The following PLCB1 variants were observed in gnomAD, a reference collection of about 807,000 sequenced individuals.
PLCB1 encodes phospholipase C beta 1, also known as 1-phosphatidylinositol 4,5-bisphosphate phosphodiesterase beta-1.
A neutral mutation model predicts 161.8 loss-of-function variants in PLCB1; 46 were observed. The ratio of observed to expected loss-of-function variants is 0.28; its 90% CI spans 0.22 to 0.36. The LOEUF (loss-of-function observed/expected upper bound fraction) is 0.36. Ranked by LOEUF, PLCB1 falls within the 10% of genes least tolerant of loss-of-function variation. The pLI is 1.00. For synonymous variants in PLCB1, 517 were observed against 503.7 expected (o/e 1.03, Z -0.35); for missense variants, 1,016 against 1,472.5 (o/e 0.69, Z 5.07).
intron 2 of PLCB1, among the ~76,000 whole-genome samples, chr20:8,253,275 G>C (rs1432970811): frequency 1.3e-5 from 2 of 151,890 alleles, no homozygotes; most frequent in African/African-American, 4.8e-5. Context: ...GTTTTTCCTT[G>C]TTGATGTACA....
intron 2 of PLCB1, among the ~76,000 whole-genome samples, chr20:8,292,399 G>C (rs965152824): frequency 1.3e-5 from 2 of 152,106 alleles, no homozygotes; most frequent in Non-Finnish European, 2.9e-5. Flanking sequence ...TAAGAAAAGG[G>C]TCTCAAGAAG....
intron 31 of PLCB1, among the ~76,000 whole-genome samples, chr20:8,809,304 G>A (rs1229726454): frequency 1.3e-5 from 2 of 151,986 alleles, no homozygotes; most frequent in Non-Finnish European, 2.9e-5. Flanking sequence ...CACCATGCCC[G>A]GCTCACTTAC....
intron 31 of PLCB1, among the ~76,000 whole-genome samples, chr20:8,808,069 A>G (rs1185780543): frequency 6.6e-6 from 1 of 152,202 alleles, no homozygotes; most frequent in East Asian, 1.9e-4. Context: ...GGACTTCCTC[A>G]TGACAATATG....
chr20:8,672,658 A>G (rs1462877941), intron 9 of PLCB1, among the ~76,000 whole-genome samples: 1 of 152,110 alleles, frequency 6.6e-6, no homozygotes, highest in Non-Finnish European at 1.5e-5. Context: ...AGTTGTATTT[A>G]GGGATTAGTT....
intron 7 of PLCB1, among the ~76,000 whole-genome samples, chr20:8,650,778 T>C (rs1989294848): frequency 6.6e-6 from 1 of 152,232 alleles, no homozygotes; most frequent in South Asian, 2.1e-4. Flanking sequence ...AAGCAATTAG[T>C]ATGCTGCTAT....
In PLCB1 at chr20:8,296,635, T is replaced by A. The variant is rs1040864597; in HGVS notation, c.178-74747T>A. ...GAATGTGTACATAGCCCTTTCTTTCTGAATTATGTCTCCTTGTTTGGCATT... is the reference window on the plus strand; with the variant it reads ...GAATGTGTACATAGCCCTTTCTTTCAGAATTATGTCTCCTTGTTTGGCATT... On this transcript the variant is annotated intron_variant, in intron 2 of 31. Coordinates refer to ENST00000338037, the MANE Select transcript of PLCB1 (RefSeq NM_015192.4). Among the ~76,000 whole-genome samples, 5 of 152,316 alleles carry A rather than the reference T, an allele frequency of 3.3e-5. No individual in the cohort carries two copies. The South Asian group carries it at 6.2e-4, about 19-fold the overall frequency.
In PLCB1 at chr20:8,207,059, G is replaced by A. The variant is rs537804902; in HGVS notation, c.177+56688G>A. On this transcript the variant is annotated intron_variant, in intron 2 of 31. Coordinates refer to ENST00000338037, the MANE Select transcript of PLCB1 (RefSeq NM_015192.4). ...TATAGACAAAAGACTGTAAGAGGAT[G>A]TTCAAAAATGAAGCCAGATGTTGCA... Among the ~76,000 whole-genome samples, 10 of 95,620 alleles carry A rather than the reference G, an allele frequency of 1.0e-4. 1 individual carries two copies. Among genetic ancestry groups the A allele is most frequent in the Non-Finnish European group, 2.3e-4 (10 of 43,660 alleles). The allele number at this position is 95,620 out of a possible 152,430, so 62.7% of individuals were successfully genotyped here.
intron 14 of PLCB1, among the ~76,000 whole-genome samples, chr20:8,721,175 T>C (rs1979611170): frequency 6.6e-6 from 1 of 152,228 alleles, no homozygotes; most frequent in Non-Finnish European, 1.5e-5. Flanking sequence ...AAAACTTTTA[T>C]AAGCTTCTCA....
At chr20:8,590,666 A>G (rs1387233774) in intron 3 of PLCB1, among the ~76,000 whole-genome samples, 1 of 152,106 alleles carries the variant, frequency 6.6e-6, no homozygotes. Context: ...CCAGCTTCAT[A>G]GACCCCTTCC....
intron 2 of PLCB1, among the ~76,000 whole-genome samples, chr20:8,224,846 T>C (rs1259590514): frequency 6.6e-6 from 1 of 152,154 alleles, no homozygotes; most frequent in Non-Finnish European, 1.5e-5. Context: ...TCTCATTAGA[T>C]GAGTTTCGTC....
intron 3 of PLCB1, among the ~76,000 whole-genome samples, chr20:8,461,956 A>G (rs1168547969): frequency 6.6e-6 from 1 of 152,096 alleles, no homozygotes; most frequent in Admixed American, 6.6e-5. Flanking sequence ...CCCCTTGTTT[A>G]AAGTTATATA....
intron 18 of PLCB1, among the ~76,000 whole-genome samples, chr20:8,730,324 C>A (rs908601591): frequency 6.6e-6 from 1 of 151,808 alleles, no homozygotes; most frequent in Non-Finnish European, 1.5e-5. Flanking sequence ...TGAGATCAAT[C>A]CTTTTTTTTC....
At chr20:8,544,628 C>T (rs6118241) in intron 3 of PLCB1, among the ~76,000 whole-genome samples, 1,551 of 152,258 alleles carry the variant, frequency 0.01, 29 homozygotes, top group African/African-American at 0.035. Context: ...TGGCCTTTTC[C>T]AAGATGCATT....
At chr20:8,541,624 T>C (rs1190576093) in intron 3 of PLCB1, among the ~76,000 whole-genome samples, 1 of 108,488 alleles carries the variant, frequency 9.2e-6, no homozygotes, top group African/African-American at 4.0e-5. Context: ...AAGATAGTAA[T>C]GAAATGTGGG....
intron 2 of PLCB1, among the ~76,000 whole-genome samples, chr20:8,333,025 C>T (rs774979198): frequency 3.3e-5 from 5 of 152,122 alleles, no homozygotes; most frequent in African/African-American, 4.8e-5. Context: ...GTCTTCTCAA[C>T]GAGGGACTAC....
chr20:8,855,963 A>G (rs1417034240), intron 31 of PLCB1, among the ~76,000 whole-genome samples: 3 of 151,916 alleles, frequency 2.0e-5, no homozygotes, highest in African/African-American at 7.3e-5. Context: ...TGGATGAACA[A>G]CCTCCTTCTC....
Position 8,722,422 on chromosome 20 carries a change from G to T in PLCB1, c.1581+1G>T. 1 of 1,607,864 alleles carries T rather than the reference G, an allele frequency of 6.2e-7. No individual in the cohort carries two copies. Among genetic ancestry groups the T allele is most frequent in the Non-Finnish European group, 8.5e-7 (1 of 1,177,004 alleles). ...CTGTAAAAAATCTTCAATGGATGAG[G>T]TGGGTACTTAGGGCTTCTGGTCCCT... On this transcript the variant is annotated splice_donor_variant, in intron 15 of 31. Coordinates refer to ENST00000338037, the MANE Select transcript of PLCB1 (RefSeq NM_015192.4). LOFTEE classifies it high-confidence loss of function.
chr20:8,681,084 G>GTGTGTGTATA (rs1555782771), intron 9 of PLCB1, among the ~76,000 whole-genome samples: 1 of 39,792 alleles, frequency 2.5e-5, no homozygotes. Context: ...ATATGTGTGT[G>GTGTGTGTATA]TGTATATATA....
chr20:8,270,404 T>C (rs983179052), intron 2 of PLCB1, among the ~76,000 whole-genome samples: 5 of 152,170 alleles, frequency 3.3e-5, no homozygotes, highest in Admixed American at 3.3e-4. Flanking sequence ...GTTAGCTGAC[T>C]TAGATTCAAG....
Sources: gnomAD v4.1 joint callset for allele counts (sites outside exome capture counted in the v4.1 genomes callset) on GRCh38, gnomAD v4.1.1 for gene constraint, MANE v1.5 for transcripts, NCBI Gene and HGNC (gene_info 2026-07-23, HGNC 2026-07-21) for gene names.